The following THSD7B variants were observed in gnomAD, a reference collection of about 807,000 sequenced individuals.
THSD7B encodes thrombospondin type 1 domain containing 7B.
THSD7B carries 138 observed loss-of-function variants against 213.6 expected under a neutral mutation model. The ratio of observed to expected loss-of-function variants is 0.65; its 90% CI spans 0.56 to 0.74. The LOEUF (loss-of-function observed/expected upper bound fraction) is 0.74. Among genes scored for constraint, THSD7B ranks in the 30% least tolerant of loss-of-function variants. The probability of loss-of-function intolerance (pLI) is 0.00; values close to 1 mark genes in which losing one functional copy is unlikely to be tolerated. For missense variants in THSD7B, 1,931 were observed against 1,991.5 expected (o/e 0.97, Z 0.58); for synonymous variants, 742 against 687.0 (o/e 1.08, Z -1.25).
intron 2 of THSD7B, among the ~76,000 whole-genome samples, chr2:136,995,109 A>G (rs930325784): frequency 1.3e-5 from 2 of 152,216 alleles, no homozygotes; most frequent in Non-Finnish European, 1.5e-5. Flanking sequence ...CAAAGCTGGC[A>G]TCTGGAGTAG....
chr2:136,943,003 T>A (rs972103087), intron 2 of THSD7B, among the ~76,000 whole-genome samples: 1 of 152,196 alleles, frequency 6.6e-6, no homozygotes, highest in Non-Finnish European at 1.5e-5. Flanking sequence ...TAAATAGTTC[T>A]TATTATTTTG....
intron 12 of THSD7B, among the ~76,000 whole-genome samples, chr2:137,292,978 G>A (rs1683372070): frequency 6.6e-6 from 1 of 152,024 alleles, no homozygotes; most frequent in Non-Finnish European, 1.5e-5. Context: ...GAATCAAATT[G>A]CGTGCCCTCT....
At chr2:137,254,927 A>T (rs890958276) in intron 10 of THSD7B, among the ~76,000 whole-genome samples, 1 of 151,790 alleles carries the variant, frequency 6.6e-6, no homozygotes, top group African/African-American at 2.4e-5. Flanking sequence ...AGAAAGAGTG[A>T]GGGGGGGCTC....
chr2:136,985,683 G>C (rs1463507430), intron 2 of THSD7B, among the ~76,000 whole-genome samples: 1 of 152,260 alleles, frequency 6.6e-6, no homozygotes, highest in Non-Finnish European at 1.5e-5. Context: ...CCCCCACACA[G>C]AGTCCTCAAC....
chr2:137,655,230 T>G (rs1336797452), intron 21 of THSD7B, among the ~76,000 whole-genome samples: 1 of 152,236 alleles, frequency 6.6e-6, no homozygotes, highest in Non-Finnish European at 1.5e-5. Flanking sequence ...GTTTTCTTTT[T>G]TAGTCAATCT....
intron 10 of THSD7B, among the ~76,000 whole-genome samples, chr2:137,263,855 G>T (rs1030213719): frequency 6.6e-6 from 1 of 152,100 alleles, no homozygotes; most frequent in Non-Finnish European, 1.5e-5. Context: ...CTAGGGCATT[G>T]CATTTTTTTA....
At chr2:137,557,798 C>T (rs547321206) in intron 15 of THSD7B, among the ~76,000 whole-genome samples, 2 of 152,158 alleles carry the variant, frequency 1.3e-5, no homozygotes, top group African/African-American at 4.8e-5. Context: ...AAAAGATCAA[C>T]AAAATTGATA....
In THSD7B at chr2:137,158,050, G is replaced by C. The variant is rs184959502; in HGVS notation, c.1370-2163G>C. Among the ~76,000 whole-genome samples, 15 of 152,274 alleles carry C rather than the reference G, an allele frequency of 9.9e-5. No homozygotes were observed. In the East Asian group the frequency reaches 2.7e-3, roughly 27 times the overall value. On this transcript the variant is annotated intron_variant, in intron 5 of 27. Coordinates refer to ENST00000409968, the MANE Select transcript of THSD7B (RefSeq NM_001316349.2). ...ATGCTCTGGCACATCTCTTTCATCA[G>C]CTCTGTTAAAATACTGCTTGATTTA... is the stretch of plus-strand genomic sequence containing the variant.
chr2:137,324,920 A>G (rs1486436955), intron 12 of THSD7B, among the ~76,000 whole-genome samples: 1 of 152,210 alleles, frequency 6.6e-6, no homozygotes, highest in Non-Finnish European at 1.5e-5. Flanking sequence ...TGATCAATGC[A>G]TGCTTCTTCC....
chr2:137,369,131 GA>G (rs1409933401), intron 12 of THSD7B, among the ~76,000 whole-genome samples: 12 of 140,528 alleles, frequency 8.5e-5, no homozygotes, highest in South Asian at 2.5e-4. Context: ...TTGTTGTTTG[GA>G]GGGGGGGCGG....
chr2:137,162,361 G>C (rs868582275), intron 6 of THSD7B, among the ~76,000 whole-genome samples: 1 of 152,188 alleles, frequency 6.6e-6, no homozygotes, highest in Non-Finnish European at 1.5e-5. Flanking sequence ...CTCATTGGCT[G>C]TTTTATGTCA....
chr2:137,464,890 C>T (rs985086633), intron 15 of THSD7B, among the ~76,000 whole-genome samples: 7 of 151,876 alleles, frequency 4.6e-5, no homozygotes, highest in Admixed American at 3.3e-4. Context: ...TATGTTCAGT[C>T]GCTTGTGTTT....
At chr2:137,259,712 TA>T (rs1251900528) in intron 10 of THSD7B, among the ~76,000 whole-genome samples, 1 of 152,224 alleles carries the variant, frequency 6.6e-6, no homozygotes, top group East Asian at 1.9e-4. Context: ...TATGAAACAC[TA>T]AATGTTTAGC....
rs1347089247 is a variant in THSD7B at position 137,011,046 on chromosome 2, C to A, written c.140-45374C>A. Among the ~76,000 whole-genome samples, 6 of 152,224 alleles carry A rather than the reference C, an allele frequency of 3.9e-5. No homozygotes were observed. The East Asian group carries it at 1.2e-3, about 29-fold the overall frequency. On this transcript the variant is annotated intron_variant, in intron 2 of 27. Transcript: ENST00000409968. The stretch of plus-strand genomic sequence containing the variant: ...TAGCCTTTCATTAGTAGAACTTGTT[C>A]TTTGATTTATCTTCCTAATAGTGAT...
intron 2 of THSD7B, among the ~76,000 whole-genome samples, chr2:136,943,356 C>G (rs980680327): frequency 2.6e-5 from 4 of 152,104 alleles, no homozygotes; most frequent in African/African-American, 9.7e-5. Flanking sequence ...TTTGTTGTGT[C>G]TCTGCTAGGC....
rs972749396 is a variant in THSD7B at position 137,478,100 on chromosome 2, T to A, written c.3138+27077T>A. Among the ~76,000 whole-genome samples the A allele has an allele frequency of 4.6e-5, 7 of 152,154 alleles. No individual in the cohort carries two copies. In the East Asian group the frequency reaches 9.6e-4, roughly 21 times the overall value. On this transcript the variant is annotated intron_variant, in intron 15 of 27. Coordinates refer to ENST00000409968, the MANE Select transcript of THSD7B (RefSeq NM_001316349.2). Reference sequence around the variant, plus strand: ...TTTTTAATTATATCTATTTGGCATCTGTAAGCTTCCTCTATCTGGATGTCT... The same window carrying A: ...TTTTTAATTATATCTATTTGGCATCAGTAAGCTTCCTCTATCTGGATGTCT...
intron 11 of THSD7B, among the ~76,000 whole-genome samples, chr2:137,272,877 C>A (rs12622953): frequency 6.6e-6 from 1 of 151,886 alleles, no homozygotes; most frequent in Non-Finnish European, 1.5e-5. Flanking sequence ...AAAGGAAGCA[C>A]GTTTGACTGT....
At chr2:137,368,770 T>A (rs1685477858) in intron 12 of THSD7B, among the ~76,000 whole-genome samples, 1 of 152,150 alleles carries the variant, frequency 6.6e-6, no homozygotes, top group Non-Finnish European at 1.5e-5. Flanking sequence ...TTTAGCCTTA[T>A]CCTGATTCTT....
intron 12 of THSD7B, among the ~76,000 whole-genome samples, chr2:137,309,462 T>A (rs955134078): frequency 1.3e-5 from 2 of 151,294 alleles, no homozygotes; most frequent in Non-Finnish European, 2.9e-5. Context: ...TTTTTAAAAA[T>A]TATTGGACAA....
Sources: allele counts gnomAD v4.1 joint callset (sites outside exome capture counted in the v4.1 genomes callset), GRCh38; gene constraint gnomAD v4.1.1; transcripts MANE v1.5; gene names NCBI Gene and HGNC (gene_info 2026-07-23, HGNC 2026-07-21).